Variants in PTDSS1 observed in about 807,000 individuals in gnomAD.
PTDSS1 encodes the protein phosphatidylserine synthase 1.
In PTDSS1, 45 loss-of-function variants were observed where a neutral mutation model predicts 70.5. That is an observed-to-expected ratio of 0.64 (90% confidence interval 0.50 to 0.82). PTDSS1 has a LOEUF of 0.82. PTDSS1 is among the 40% of genes least tolerant of loss of function. The probability of loss-of-function intolerance (pLI) is 0.00; values close to 1 mark genes in which losing one functional copy is unlikely to be tolerated. For synonymous variants in PTDSS1, 188 were observed against 203.8 expected (o/e 0.92, Z 0.66); for missense variants, 417 against 586.1 (o/e 0.71, Z 2.98).
intron 1 of PTDSS1, among the ~76,000 whole-genome samples, chr8:96,263,500 A>G (rs1165175572): frequency 6.6e-6 from 1 of 152,226 alleles, no homozygotes; most frequent in African/African-American, 2.4e-5. Context: ...TGGGGATGAA[A>G]TATCTACTTA....
rs1317020273 is a variant in PTDSS1, at chr8:96,333,582, C to T, written c.*16C>T. ...AAAGAAATGAAAAACCCTGGTTAATCAAAGATGTTCCAGAGTGCCTAGAAC... is the reference window on the plus strand; with the variant it reads ...AAAGAAATGAAAAACCCTGGTTAATTAAAGATGTTCCAGAGTGCCTAGAAC... On this transcript the variant is annotated 3_prime_UTR_variant, in exon 13 of 13. Transcript: ENST00000517309. 2 of 1,586,912 alleles carry T rather than the reference C, an allele frequency of 1.3e-6. No homozygotes were observed. The highest frequency in any genetic ancestry group is 2.2e-5 in the South Asian group (2 of 90,468).
At chr8:96,332,600 C>T (rs866925682) in intron 12 of PTDSS1, among the ~76,000 whole-genome samples, 1 of 152,156 alleles carries the variant, frequency 6.6e-6, no homozygotes, top group South Asian at 2.1e-4. Flanking sequence ...TAGAACCATG[C>T]CCTTACAAAC....
intron 9 of PTDSS1, among the ~76,000 whole-genome samples, chr8:96,314,069 G>T (rs1392376266): frequency 1.3e-5 from 2 of 151,966 alleles, no homozygotes; most frequent in South Asian, 4.2e-4. Flanking sequence ...TTTGAGACAG[G>T]GTCTTGCTGT....
intron 1 of PTDSS1, among the ~76,000 whole-genome samples, chr8:96,267,877 T>A (rs1810510505): frequency 6.6e-6 from 1 of 152,150 alleles, no homozygotes; most frequent in Admixed American, 6.5e-5. Context: ...GGAAGGCACC[T>A]CCCGCCACCT....
chr8:96,307,189 A>G (rs1333688158), intron 8 of PTDSS1, among the ~76,000 whole-genome samples: 1 of 152,162 alleles, frequency 6.6e-6, no homozygotes, highest in Non-Finnish European at 1.5e-5. Flanking sequence ...CTATTTAGAA[A>G]TGGCATTTGA....
At chr8:96,280,673 TC>T (rs1214130506) in intron 2 of PTDSS1, among the ~76,000 whole-genome samples, 1 of 152,210 alleles carries the variant, frequency 6.6e-6, no homozygotes, top group Non-Finnish European at 1.5e-5. Context: ...AACCCAGCGT[TC>T]GTTGCTGCAC....
At chr8:96,267,604 T>C (rs926479844) in intron 1 of PTDSS1, among the ~76,000 whole-genome samples, 5 of 152,240 alleles carry the variant, frequency 3.3e-5, no homozygotes, top group African/African-American at 1.2e-4. Context: ...GCTGTAATTC[T>C]TCACAAGGAT....
chr8:96,292,174 C>T (rs1246911863), intron 4 of PTDSS1, among the ~76,000 whole-genome samples: 1 of 151,154 alleles, frequency 6.6e-6, no homozygotes, highest in Non-Finnish European at 1.5e-5. Flanking sequence ...GTGGCACGCA[C>T]CTGTAATCCC....
At chr8:96,266,312 A>G (rs1052557055) in intron 1 of PTDSS1, among the ~76,000 whole-genome samples, 1 of 152,204 alleles carries the variant, frequency 6.6e-6, no homozygotes, top group African/African-American at 2.4e-5. Flanking sequence ...CAATTTGTCT[A>G]TGCTTCATTT....
intron 11 of PTDSS1, chr8:96,330,541 A>G (rs1586213087): frequency 2.1e-6 from 1 of 482,598 alleles, no homozygotes; most frequent in East Asian, 3.7e-5. Flanking sequence ...TTGGAGAAAA[A>G]AAGAAAAGTG....
intron 4 of PTDSS1, among the ~76,000 whole-genome samples, chr8:96,288,486 G>A (rs765779493): frequency 2.6e-5 from 4 of 151,936 alleles, no homozygotes; most frequent in East Asian, 1.9e-4. Context: ...CACTACACCC[G>A]GCTAACTTTT....
chr8:96,323,645 C>T (rs923488462), intron 10 of PTDSS1, among the ~76,000 whole-genome samples: 15 of 152,300 alleles, frequency 9.8e-5, no homozygotes, highest in Middle Eastern at 3.4e-3. Context: ...GGCCTGTAAC[C>T]GAAAACCATT....
chr8:96,265,774 A>C (rs1386585599), intron 1 of PTDSS1, among the ~76,000 whole-genome samples: 5 of 152,114 alleles, frequency 3.3e-5, no homozygotes, highest in Admixed American at 6.5e-5. Flanking sequence ...TCAAAAGAAA[A>C]CCAAAAACTT....
At chr8:96,290,044 G>T (rs968163765) in intron 4 of PTDSS1, among the ~76,000 whole-genome samples, 1 of 152,030 alleles carries the variant, frequency 6.6e-6, no homozygotes, top group Non-Finnish European at 1.5e-5. Flanking sequence ...CATAAGCCTC[G>T]TGCATGCATG....
In PTDSS1 at chr8:96,283,106, A is replaced by G. The variant is rs1292564497; in HGVS notation, c.272-1003A>G. On this transcript the variant is annotated intron_variant, in intron 2 of 12. Transcript: ENST00000517309. Reference sequence around the variant, plus strand: ...CCTACTGCCCCTACTGGCCAGGGCTAGAGAAACAGAGAGAGAGGAGAGCTG... The same window carrying G: ...CCTACTGCCCCTACTGGCCAGGGCTGGAGAAACAGAGAGAGAGGAGAGCTG... 2.6e-5 allele frequency among the ~76,000 whole-genome samples: 4 copies of G among 152,214 alleles called. No individual in the cohort carries two copies. In the East Asian group the frequency reaches 7.7e-4, roughly 29 times the overall value.
intron 6 of PTDSS1, 71 bp downstream of exon 6, chr8:96,299,916 C>A: frequency 6.7e-7 from 1 of 1,487,360 alleles, no homozygotes; most frequent in Non-Finnish European, 9.0e-7. Context: ...TGGTAGGAAT[C>A]CATTTTAGTA....
chr8:96,290,600 C>T (rs147827509), intron 4 of PTDSS1, among the ~76,000 whole-genome samples: 103 of 152,252 alleles, frequency 6.8e-4, no homozygotes, highest in African/African-American at 2.4e-3. Flanking sequence ...ACAGCCTCAT[C>T]TTCTCCATCT....
Position 96,262,240 on chromosome 8 carries a change from G to T in PTDSS1, c.179+21G>T, listed in dbSNP as rs751870672. The stretch of plus-strand genomic sequence containing the variant: ...ACCAGGTGGGGCGGCCCAGCCGAGC[G>T]GGGGGCGCGTCCAAGGGCTAGGGAA... On this transcript the variant is annotated intron_variant, in intron 1 of 12. Coordinates refer to ENST00000517309, the MANE Select transcript of PTDSS1 (RefSeq NM_014754.3). This position sits in a 1 kb window ranked among gnomAD's most constrained non-coding sequence, Gnocchi z 4.4. The T allele has an allele frequency of 1.1e-5, 18 of 1,604,322 alleles. No homozygotes were observed. Among genetic ancestry groups the T allele is most frequent in the Non-Finnish European group, 1.5e-5 (18 of 1,174,274 alleles).
chr8:96,292,193 G>A (rs1327501220), intron 4 of PTDSS1, among the ~76,000 whole-genome samples: 1 of 151,184 alleles, frequency 6.6e-6, no homozygotes, highest in Non-Finnish European at 1.5e-5. Flanking sequence ...CCAGCTACTC[G>A]GGAGGCTGAG....
Sources: gnomAD v4.1 joint callset for allele counts (sites outside exome capture counted in the v4.1 genomes callset) on GRCh38, gnomAD v4.1.1 for gene constraint, Gnocchi (gnomAD v3.1) non-coding constraint, MANE v1.5 for transcripts, NCBI Gene and HGNC (gene_info 2026-07-23, HGNC 2026-07-21) for gene names.